Variants in IMPA2 observed in about 807,000 individuals in gnomAD.
IMPA2 encodes the protein inositol monophosphatase 2.
In IMPA2, 32 loss-of-function variants were observed where a neutral mutation model predicts 35.1. The ratio of observed to expected loss-of-function variants is 0.91; its 90% CI spans 0.69 to 1.23. IMPA2 has a LOEUF of 1.23. Ranked by LOEUF, IMPA2 falls within the 50% of genes most tolerant of loss-of-function variation. The pLI is 0.00. For synonymous variants in IMPA2, 135 were observed against 160.6 expected (o/e 0.84, Z 1.20); for missense variants, 334 against 387.6 (o/e 0.86, Z 1.16).
intron 2 of IMPA2, among the ~76,000 whole-genome samples, chr18:12,003,978 T>C (rs1907186544): frequency 6.6e-6 from 1 of 152,248 alleles, no homozygotes; most frequent in Non-Finnish European, 1.5e-5. Context: ...GTCTAGTGTT[T>C]TTAGCTGTCT....
At chr18:11,992,095 C>T (rs1285083566) in intron 1 of IMPA2, among the ~76,000 whole-genome samples, 2 of 152,220 alleles carry the variant, frequency 1.3e-5, no homozygotes, top group South Asian at 4.1e-4. Flanking sequence ...CTGCCTGCCT[C>T]GGCCTCCCAG....
At chr18:12,001,667 G>T (rs1223223124) in intron 2 of IMPA2, among the ~76,000 whole-genome samples, 1 of 152,170 alleles carries the variant, frequency 6.6e-6, no homozygotes, top group Non-Finnish European at 1.5e-5. Flanking sequence ...CACCCTTGAG[G>T]CCTTAGGGTT....
At chr18:11,981,812 G>T in intron 1 of IMPA2, 47 bp downstream of exon 1, 1 of 1,174,662 alleles carries the variant, frequency 8.5e-7, no homozygotes, top group Non-Finnish European at 1.1e-6. Flanking sequence ...GCAGAAGCGC[G>T]TGGGCCTTGG....
intron 6 of IMPA2, 100 bp from the exon 7 acceptor site, chr18:12,028,742 A>G (rs1907953140): frequency 6.0e-6 from 8 of 1,341,274 alleles, no homozygotes; most frequent in Non-Finnish European, 3.1e-6. Flanking sequence ...ATTTTTCACT[A>G]GGGAAAATGC....
chr18:12,001,606 T>C (rs1907117971), intron 2 of IMPA2, among the ~76,000 whole-genome samples: 1 of 152,196 alleles, frequency 6.6e-6, no homozygotes, highest in African/African-American at 2.4e-5. Context: ...CGCTGTTGTG[T>C]ACACAAGGTA....
At chr18:12,029,119 T>G (rs1364272025) in intron 7 of IMPA2, 126 bp downstream of exon 7, 21 of 901,522 alleles carry the variant, frequency 2.3e-5, no homozygotes, top group East Asian at 1.4e-4. Flanking sequence ...TTTTTTTTTT[T>G]TTTTTTTTTT....
At chr18:11,982,111 C>T (rs767158059) in intron 1 of IMPA2, among the ~76,000 whole-genome samples, 2 of 152,158 alleles carry the variant, frequency 1.3e-5, no homozygotes, top group Non-Finnish European at 2.9e-5. Context: ...ATTCAGCTCG[C>T]GGTAGGAAGC....
intron 5 of IMPA2, among the ~76,000 whole-genome samples, chr18:12,023,701 A>G (rs1230617876): frequency 6.6e-6 from 1 of 152,188 alleles, no homozygotes; most frequent in Non-Finnish European, 1.5e-5. Context: ...AGAAATCTTC[A>G]GTGTCTTCCT....
intron 6 of IMPA2, chr18:12,028,400 TGCTCAACCA>T: frequency 1.9e-6 from 1 of 515,988 alleles, no homozygotes; most frequent in Non-Finnish European, 3.5e-6. Flanking sequence ...GACCTCATGC[TGCTCAACCA>T]GCGAATGGTG....
At chr18:12,026,233 A>G (rs674758) in intron 5 of IMPA2, among the ~76,000 whole-genome samples, 43,062 of 151,716 alleles carry the variant, frequency 0.28, 7,677 homozygotes, top group East Asian at 0.74. Context: ...GGGTTTCTCC[A>G]TGTTGGTCAG....
In IMPA2 at chr18:12,028,898, C is replaced by T. The variant is rs1207114507; in HGVS notation, c.656C>T (p.Ala219Val). 13 of 1,614,026 alleles carry T rather than the reference C, an allele frequency of 8.1e-6. No individual in the cohort carries two copies. The highest frequency in any genetic ancestry group is 3.3e-5 in the Admixed American group (2 of 60,010). The change falls in exon 7 of 8, where the codon GCG becomes GTG. Residue 219 changes from alanine (A) to valine (V), a missense_variant. Physicochemically the swap from Ala to Val is moderately conservative, Grantham distance 64. Transcript: ENST00000269159. ...CTCTGCCACCTGGCCTCAGGGGCCG[C>T]GGATGCCTATTACCAGTTTGGCCTG... ...LALCHLASGA[A>V]DAYYQFGLHC...
At chr18:12,017,682 A>G in intron 5 of IMPA2, 2 of 390,572 alleles carry the variant, frequency 5.1e-6, no homozygotes, top group South Asian at 1.9e-5. Flanking sequence ...TCCACATCCT[A>G]GGTTCAAGCA....
At chr18:12,021,551 C>T (rs1234618275) in intron 5 of IMPA2, among the ~76,000 whole-genome samples, 1 of 147,418 alleles carries the variant, frequency 6.8e-6, no homozygotes, top group Non-Finnish European at 1.5e-5. Context: ...TTTTTTGAGA[C>T]TCCGTCACCC....
At chr18:12,020,035 C>G (rs1907685179) in intron 5 of IMPA2, among the ~76,000 whole-genome samples, 1 of 151,962 alleles carries the variant, frequency 6.6e-6, no homozygotes, top group Admixed American at 6.6e-5. Flanking sequence ...ACCACCATGC[C>G]CAGCTAGTTT....
chr18:11,997,534 C>T (rs780412065), intron 1 of IMPA2, among the ~76,000 whole-genome samples: 5 of 152,130 alleles, frequency 3.3e-5, no homozygotes, highest in East Asian at 1.9e-4. Context: ...CTCAGTACAG[C>T]GTGGGCCAGC....
chr18:12,006,646 A>G (rs1907255230), intron 2 of IMPA2, among the ~76,000 whole-genome samples: 1 of 152,220 alleles, frequency 6.6e-6, no homozygotes, highest in Non-Finnish European at 1.5e-5. Context: ...GAGGTCGCAC[A>G]GCCTGAGATG....
At chr18:12,002,287 T>C (rs1161552738) in intron 2 of IMPA2, among the ~76,000 whole-genome samples, 3 of 152,214 alleles carry the variant, frequency 2.0e-5, no homozygotes, top group Non-Finnish European at 4.4e-5. Flanking sequence ...AAGACTTTTA[T>C]TCTGAGCTTT....
chr18:11,989,460 G>C (rs1045034365), intron 1 of IMPA2, among the ~76,000 whole-genome samples: 1 of 152,240 alleles, frequency 6.6e-6, no homozygotes, highest in African/African-American at 2.4e-5. Context: ...CATCAGCAGA[G>C]ACAGAATTCC....
chr18:11,991,010 C>T lies in IMPA2; in HGVS notation c.97-8044C>T, dbSNP rs1466727588. 6.6e-6 allele frequency among the ~76,000 whole-genome samples: 1 copy of T among 152,144 alleles called. No individual in the cohort carries two copies. The highest frequency in any genetic ancestry group is 1.5e-5 in the Non-Finnish European group (1 of 68,042). On this transcript the variant is annotated intron_variant, in intron 1 of 7. Transcript: ENST00000269159. The surrounding 1 kb of genome is among the most constrained non-coding windows in gnomAD (Gnocchi z 4.1). ...GCGCTCTGTAAGCTTGAGCTCAGGC[C>T]GTGGAGCTGGGCAGGGTGTGAGGTG...
Sources: gnomAD v4.1 joint callset for allele counts (sites outside exome capture counted in the v4.1 genomes callset) on GRCh38, gnomAD v4.1.1 for gene constraint, Gnocchi (gnomAD v3.1) non-coding constraint, MANE v1.5 for transcripts, NCBI Gene and HGNC (gene_info 2026-07-23, HGNC 2026-07-21) for gene names.